MIOS: variants seen among roughly 807,000 people sequenced by gnomAD.
MIOS encodes meiosis regulator for oocyte development, also known as GATOR2 complex protein MIOS.
In MIOS, 52 loss-of-function variants were observed where a neutral mutation model predicts 96.9. The ratio of observed to expected loss-of-function variants is 0.54; its 90% CI spans 0.43 to 0.68. The LOEUF is 0.68. Among genes scored for constraint, MIOS ranks in the 30% least tolerant of loss-of-function variants. MIOS has a pLI of 0.00. For missense variants in MIOS, 1,005 were observed against 1,052.8 expected, an observed-to-expected ratio of 0.95 and a Z score of 0.63; for synonymous variants, 397 against 359.5, an observed-to-expected ratio of 1.10 and a Z score of -1.18.
Position 7,572,356 on chromosome 7 carries a change from T to C in MIOS, c.-40-80T>C. On this transcript the variant is annotated intron_variant, in intron 3 of 12. Coordinates refer to ENST00000340080, the MANE Select transcript of MIOS (RefSeq NM_019005.4). The surrounding 1 kb of genome is among the most constrained non-coding windows in gnomAD (Gnocchi z 4.8). ...GAGGGTTCTTGAATAGAGAATTTTCTGACTTTCTGAATAGTTTATTCAACG... is the reference window on the plus strand; with the variant it reads ...GAGGGTTCTTGAATAGAGAATTTTCCGACTTTCTGAATAGTTTATTCAACG... 3 of 666,514 alleles carry C rather than the reference T, an allele frequency of 4.5e-6. No individual in the cohort carries two copies. The highest frequency in any genetic ancestry group is 4.8e-6 in the Non-Finnish European group (2 of 420,236). The allele number at this position is 666,514 out of a possible 1,614,324, so 41.3% of individuals were successfully genotyped here.
intron 3 of MIOS, among the ~76,000 whole-genome samples, chr7:7,571,978 A>G (rs982046784): frequency 2.0e-5 from 3 of 152,350 alleles, no homozygotes; most frequent in Non-Finnish European, 2.9e-5. Flanking sequence ...AGTGGCTACC[A>G]TATTGGACAG....
chr7:7,594,706 A>G (rs6958110), intron 9 of MIOS, among the ~76,000 whole-genome samples: 146,883 of 152,284 alleles, frequency 0.96, 70,872 homozygotes, highest in East Asian at 1. Context: ...ACGAAGTTCT[A>G]TTTTCTTAAA....
intron 5 of MIOS, chr7:7,582,620 T>G: frequency 1.0e-6 from 1 of 977,968 alleles, no homozygotes; most frequent in Non-Finnish European, 1.2e-6. Flanking sequence ...TCTTGTTTTT[T>G]AATGTACAGA....
chr7:7,603,510 A>G (rs898206471), intron 11 of MIOS, among the ~76,000 whole-genome samples: 107 of 152,336 alleles, frequency 7.0e-4, no homozygotes, highest in Non-Finnish European at 1.1e-3. Flanking sequence ...AACCACAATG[A>G]GATACCATCT....
At chr7:7,599,289 C>T (rs190159216) in intron 11 of MIOS, among the ~76,000 whole-genome samples, 54 of 152,206 alleles carry the variant, frequency 3.5e-4, no homozygotes, top group African/African-American at 1.1e-3. Context: ...GAAATACTAA[C>T]GAGTTTGATT....
intron 5 of MIOS, among the ~76,000 whole-genome samples, chr7:7,577,021 G>A (rs1027692801): frequency 1.2e-4 from 18 of 152,104 alleles, no homozygotes; most frequent in African/African-American, 2.9e-4. Context: ...AGGTAGAGAC[G>A]TCCATTGGGC....
At chr7:7,595,522 C>A (rs1407139133) in intron 10 of MIOS, among the ~76,000 whole-genome samples, 1 of 152,060 alleles carries the variant, frequency 6.6e-6, no homozygotes, top group Non-Finnish European at 1.5e-5. Context: ...TGTTTAATTA[C>A]ACATGGAAAT....
At chr7:7,570,848 C>T (rs1050089772) in intron 3 of MIOS, among the ~76,000 whole-genome samples, 3 of 152,168 alleles carry the variant, frequency 2.0e-5, no homozygotes, top group African/African-American at 7.2e-5. Context: ...TTGCCTGCTG[C>T]TCACCTCCTG....
intron 5 of MIOS, chr7:7,582,818 T>TG: frequency 3.7e-6 from 1 of 271,078 alleles, no homozygotes; most frequent in South Asian, 9.2e-5. Flanking sequence ...AAACAATGGG[T>TG]GGTGAGTTAG....
chr7:7,573,868 A>G lies in MIOS; in HGVS notation c.1294+99A>G, dbSNP rs1783437122. ...TGTAAATATGCTCAATGTTTTATATACAAATACAAGTTACATAATACTAAC... is the reference window on the plus strand; with the variant it reads ...TGTAAATATGCTCAATGTTTTATATGCAAATACAAGTTACATAATACTAAC... On this transcript the variant is annotated intron_variant, in intron 4 of 12. Transcript: ENST00000340080. This position sits in a 1 kb window ranked among gnomAD's most constrained non-coding sequence, Gnocchi z 5.0. The G allele has an allele frequency of 1.7e-6, 2 of 1,177,134 alleles. No homozygotes were observed. Among genetic ancestry groups the G allele is most frequent in the Non-Finnish European group, 1.2e-6 (1 of 836,874 alleles). 72.9% of individuals were successfully genotyped at this position (1,177,134 alleles called of 1,614,324 possible).
At chr7:7,584,595 C>T (rs1249643877) in intron 6 of MIOS, among the ~76,000 whole-genome samples, 1 of 151,794 alleles carries the variant, frequency 6.6e-6, no homozygotes, top group African/African-American at 2.4e-5. Context: ...GCAAAGGAAG[C>T]AAGCACAAAG....
At position 7,574,162 on chromosome 7, in the gene MIOS, T is replaced by C. The variant is rs1783451013; in HGVS notation, c.1359T>C (p.Tyr453=). 1.9e-6 allele frequency: 3 copies of C among 1,610,832 alleles called. No individual in the cohort carries two copies. The East Asian group carries it at 6.7e-5, about 36-fold the overall frequency. ...CAGGCAACAAAGGATCATTGGTTTA[T>C]GCAGGAATTAAATCAATTGTAAAGT... ...KSPGNKGSLV[Y]AGIKSIVKSS... The change falls in exon 5 of 13, where the codon TAT becomes TAC. Residue 453 remains tyrosine (Y), a synonymous_variant. Transcript: ENST00000340080.
intron 9 of MIOS, 99 bp from the exon 10 acceptor site, chr7:7,594,881 C>G (rs1223216027): frequency 3.3e-6 from 2 of 610,034 alleles, no homozygotes; most frequent in Non-Finnish European, 4.8e-6. Context: ...AAAAAAAGGC[C>G]TATTTCTTCT....
chr7:7,589,538 A>T lies in MIOS; in HGVS notation c.2018A>T (p.Gln673Leu), dbSNP rs370078070. 6 of 1,612,506 alleles carry T rather than the reference A, an allele frequency of 3.7e-6. No homozygotes were observed. The highest frequency in any genetic ancestry group is 5.1e-6 in the Non-Finnish European group (6 of 1,178,986). The change falls in exon 9 of 13, where the codon CAA becomes CTA. Residue 673 changes from glutamine (Q) to leucine (L), a missense_variant. Gln to Leu is a moderately radical substitution (Grantham distance 113, BLOSUM62 -2). Transcript: ENST00000340080. ...TATGTTGATAGAACTGGAGATGTTC[A>T]AACAGCAAGTTACTGTATGTTACAG... is the stretch of plus-strand genomic sequence containing the variant. The part of the protein sequence containing the change: ...ESYVDRTGDV[Q>L]TASYCMLQGS...
At position 7,572,707 on chromosome 7, in the gene MIOS, C is replaced by T; in HGVS notation, c.232C>T (p.Leu78=). 6.2e-7 allele frequency: 1 copy of T among 1,614,168 alleles called. No homozygotes were observed. The highest frequency in any genetic ancestry group is 8.5e-7 in the Non-Finnish European group (1 of 1,180,004). ...TCTTAATTATGATCCTGAATGTCTG[C>T]TGGCAGTTGGACAAGCAAATGGTCG... ...WYLNYDPECL[L]AVGQANGRVV... The change falls in exon 4 of 13, where the codon CTG becomes TTG. Residue 78 remains leucine (L), a synonymous_variant. Coordinates refer to ENST00000340080, the MANE Select transcript of MIOS (RefSeq NM_019005.4). This position sits in a 1 kb window ranked among gnomAD's most constrained non-coding sequence, Gnocchi z 4.8.
intron 5 of MIOS, among the ~76,000 whole-genome samples, chr7:7,579,906 TA>T (rs1192506501): frequency 3.3e-5 from 5 of 152,210 alleles, no homozygotes; most frequent in Admixed American, 3.3e-4. Context: ...TCCCTACTGT[TA>T]ATCAACTCAT....
At chr7:7,597,495 T>TAAAAA (rs1784244382) in intron 11 of MIOS, among the ~76,000 whole-genome samples, 1 of 65,086 alleles carries the variant, frequency 1.5e-5, no homozygotes, top group Non-Finnish European at 3.1e-5. Flanking sequence ...TATATATATA[T>TAAAAA]ATATATATAT....
At chr7:7,591,138 T>G (rs991763224) in intron 9 of MIOS, among the ~76,000 whole-genome samples, 2 of 152,154 alleles carry the variant, frequency 1.3e-5, no homozygotes, top group African/African-American at 4.8e-5. Flanking sequence ...AGGTGACAGA[T>G]TCTCTCAAAT....
intron 11 of MIOS, 184 bp from the exon 12 acceptor site, chr7:7,605,758 A>C (rs1784511710): frequency 2.0e-6 from 1 of 488,698 alleles, no homozygotes; most frequent in East Asian, 3.5e-5. Context: ...TTGGCTATTA[A>C]AAATGTAGGG....
Sources: allele counts gnomAD v4.1 joint callset (sites outside exome capture counted in the v4.1 genomes callset), GRCh38; gene constraint gnomAD v4.1.1; non-coding constraint Gnocchi (gnomAD v3.1); transcripts MANE v1.5; gene names NCBI Gene and HGNC (gene_info 2026-07-23, HGNC 2026-07-21).